The following TCIRG1 variants were observed in gnomAD, a reference collection of about 807,000 sequenced individuals.
TCIRG1 encodes V-type proton ATPase 116 kDa subunit a 3.
Under a neutral mutation model 95.5 loss-of-function variants are expected in TCIRG1, and 86 were observed. That is an observed-to-expected ratio of 0.90 (90% confidence interval 0.76 to 1.08). The LOEUF (loss-of-function observed/expected upper bound fraction) is 1.08, where lower values mean the gene tolerates loss of function less well. TCIRG1 is among the 50% of genes least tolerant of loss of function. The pLI is 0.00. For synonymous variants in TCIRG1, 499 were observed against 501.3 expected (o/e 1.00, Z 0.06); for missense variants, 1,069 against 1,140.2 (o/e 0.94, Z 0.90).
intron 10 of TCIRG1, chr11:68,047,085 A>G (rs909763382): frequency 1.1e-5 from 4 of 374,042 alleles, no homozygotes; most frequent in African/African-American, 2.4e-5. Flanking sequence ...AGCTCGGCTC[A>G]CTGCAACCTC....
In TCIRG1 at chr11:68,044,922, G is replaced by A. The variant is rs767302899; in HGVS notation, c.1021-36G>A. ...GATCCCAGGGTCCCTGAAGGCCCCC[G>A]CCACCGTTCTGGTCTGTCTCTGCCC... On this transcript the variant is annotated intron_variant, in intron 9 of 19. Transcript: ENST00000265686. 6.2e-6 allele frequency: 10 copies of A among 1,603,388 alleles called. No homozygotes were observed. The East Asian group carries it at 8.9e-5, about 14-fold the overall frequency.
intron 9 of TCIRG1, among the ~76,000 whole-genome samples, chr11:68,044,609 C>A (rs981211123): frequency 2.6e-5 from 4 of 152,208 alleles, no homozygotes; most frequent in Non-Finnish European, 5.9e-5. Flanking sequence ...TCCAGGCCCC[C>A]CTGTGACCTT....
Position 68,050,502 on chromosome 11 carries a change from T to C in TCIRG1, c.2252T>C (p.Leu751Pro). 1 of 1,613,484 alleles carries C rather than the reference T, an allele frequency of 6.2e-7. No individual in the cohort carries two copies. The highest frequency in any genetic ancestry group is 8.5e-7 in the Non-Finnish European group (1 of 1,180,006). The change falls in exon 19 of 20, where the codon CTG becomes CCG. Residue 751 changes from leucine to proline, a missense_variant. Transcript: ENST00000265686. ...TTGCTTGCAGAGCTGTCCGAGGTTC[T>C]GTGGGCCATGGTGATGCGCATAGGC... Reference protein sequence around the residue: ...SLAHAQLSEVLWAMVMRIGLG... With the variant: ...SLAHAQLSEVPWAMVMRIGLG...
rs973186413 is a variant in TCIRG1 at position 68,049,216 on chromosome 11, C to T, written c.1809C>T (p.Ala603=). Residue 603 remains alanine, a synonymous_variant, in exon 15 of 20, where the codon GCC becomes GCT. Coordinates refer to ENST00000265686, the MANE Select transcript of TCIRG1 (RefSeq NM_006019.4). ...LCVWAARAAS[A]PSILIHFINM... ...TCTGGGCTGCCAGGGCCGCCTCGGC[C>T]CCCAGCATCCTCATCCACTTCATCA... The T allele has an allele frequency of 1.2e-6, 2 of 1,613,760 alleles. No homozygotes were observed. Among genetic ancestry groups the T allele is most frequent in the Admixed American group, 1.7e-5 (1 of 60,012 alleles).
At position 68,044,240 on chromosome 11, in the gene TCIRG1, C is replaced by T. The variant is rs1392293124; in HGVS notation, c.916C>T (p.Leu306=). 2 of 1,598,288 alleles carry T rather than the reference C, an allele frequency of 1.3e-6. No homozygotes were observed. The highest frequency in any genetic ancestry group is 2.3e-5 in the South Asian group (2 of 88,112). ...VHKMKAVYLA[L]NQCSVSTTHK... is the part of the protein sequence containing the mutation. ...CAAGATGAAGGCCGTGTACCTGGCC[C>T]TGAACCAGTGCAGCGTGAGCACCAC... is the stretch of plus-strand genomic sequence containing the variant. Residue 306 remains leucine, a synonymous_variant, in exon 9 of 20, where the codon CTG becomes TTG. Transcript: ENST00000265686.
chr11:68,049,427 C>A, intron 15 of TCIRG1, 133 bp downstream of exon 15: 1 of 1,063,840 alleles, frequency 9.4e-7, no homozygotes, highest in Non-Finnish European at 1.3e-6. Flanking sequence ...ACAGGGCCGT[C>A]AGAGGTGATG....
chr11:68,049,677 C>A lies in TCIRG1; in HGVS notation c.1902C>A (p.Ala634=), dbSNP rs549108653. 1 of 1,600,998 alleles carries A rather than the reference C, an allele frequency of 6.2e-7. No homozygotes were observed. ...CTCCCTGGCAGGAGGTGGTCCAGGCCACGCTGGTGGTCCTGGCCTTGGCCA... is the reference window on the plus strand; with the variant it reads ...CTCCCTGGCAGGAGGTGGTCCAGGCAACGCTGGTGGTCCTGGCCTTGGCCA... ...LLYPRQEVVQ[A]TLVVLALAMV... is the part of the protein sequence containing the mutation. Residue 634 remains alanine, a synonymous_variant, in exon 16 of 20, where the codon GCC becomes GCA. Transcript: ENST00000265686.
Position 68,041,747 on chromosome 11 carries a change from C to T in TCIRG1, c.118-6C>T, listed in dbSNP as rs375317575. On this transcript the variant is annotated splice_region_variant and splice_polypyrimidine_tract_variant and intron_variant, in intron 2 of 19. Coordinates refer to ENST00000265686, the MANE Select transcript of TCIRG1 (RefSeq NM_006019.4). ...GGACACTCACCCCTCCGTGTGGCAC[C>T]CACAGCTCAACGCCTCGGTGAGCGC... 1.4e-4 allele frequency: 230 copies of T among 1,606,782 alleles called. 1 individual carries two copies. Among genetic ancestry groups the T allele is most frequent in the Non-Finnish European group, 1.9e-4 (219 of 1,177,156 alleles).
chr11:68,046,617 C>T (rs1004798780), intron 10 of TCIRG1, among the ~76,000 whole-genome samples: 3 of 150,556 alleles, frequency 2.0e-5, no homozygotes, highest in Admixed American at 2.0e-4. Context: ...CTGGGGGTTG[C>T]GACTCCAGTG....
chr11:68,044,007 G>A, intron 8 of TCIRG1, 100 bp downstream of exon 8: 1 of 1,308,186 alleles, frequency 7.6e-7, no homozygotes, highest in Non-Finnish European at 1.1e-6. Flanking sequence ...TGGCCTCCAG[G>A]AGGTGGGTGC....
Position 68,050,204 on chromosome 11 carries a change from C to T in TCIRG1, c.2186C>T (p.Ser729Phe). Residue 729 changes from serine (S) to phenylalanine (F), a missense_variant, in exon 18 of 20, where the codon TCC (serine) becomes TTC (phenylalanine). Transcript: ENST00000265686. The stretch of plus-strand genomic sequence containing the variant: ...ATCGAGTTCTGCCTGGGCTGCGTCT[C>T]CAACACCGCCTCCTACCTGCGCCTG... ...HTIEFCLGCVSNTASYLRLWA... is the reference protein window; with the variant it reads ...HTIEFCLGCVFNTASYLRLWA... 1 of 1,613,624 alleles carries T rather than the reference C, an allele frequency of 6.2e-7. No individual in the cohort carries two copies. Among genetic ancestry groups the T allele is most frequent in the Middle Eastern group, 1.6e-4 (1 of 6,062 alleles).
chr11:68,048,810 G>A (rs769685595), intron 13 of TCIRG1, 69 bp from the exon 14 acceptor site: 1 of 1,137,136 alleles, frequency 8.8e-7, no homozygotes, highest in Admixed American at 1.7e-5. Context: ...GAGTGACTCG[G>A]GCCGGGGACT....
At chr11:68,042,529 C>T (rs969181458) in intron 3 of TCIRG1, 114 bp from the exon 4 acceptor site, 4 of 881,204 alleles carry the variant, frequency 4.5e-6, no homozygotes, top group African/African-American at 3.3e-5. Context: ...TTTCTGGCCA[C>T]CTCCACCTGG....
Position 68,043,003 on chromosome 11 carries a change from G to T in TCIRG1, c.475G>T (p.Gly159Trp). The T allele has an allele frequency of 6.4e-7, 1 of 1,552,310 alleles. No homozygotes were observed. Among genetic ancestry groups the T allele is most frequent in the South Asian group, 1.2e-5 (1 of 84,282 alleles). ...GAGGACGCCCCTGCTCCAGGCCCCC[G>T]GGGGGCCGCACCAGGACCTGAGGGT... ...SERTPLLQAP[G>W]GPHQDLRVNF... The change falls in exon 5 of 20, where the codon GGG (glycine) becomes TGG (tryptophan). Residue 159 changes from glycine (G) to tryptophan (W), a missense_variant. Transcript: ENST00000265686.
Position 68,047,673 on chromosome 11 carries a change from C to A in TCIRG1, c.1332C>A (p.Arg444=). 4 of 1,613,576 alleles carry A rather than the reference C, an allele frequency of 2.5e-6. No individual in the cohort carries two copies. Among genetic ancestry groups the A allele is most frequent in the Non-Finnish European group, 3.4e-6 (4 of 1,180,016 alleles). Reference sequence around the variant, plus strand: ...TCTGGCAGACTTTCTTCAGGGGCCGCTACCTGCTCCTGCTTATGGGCCTGT... The same window carrying A: ...TCTGGCAGACTTTCTTCAGGGGCCGATACCTGCTCCTGCTTATGGGCCTGT... The part of the protein sequence containing the change: ...NEIWQTFFRG[R]YLLLLMGLFS... The change falls in exon 12 of 20, where the codon CGC becomes CGA. Residue 444 remains arginine (R), a synonymous_variant. Transcript: ENST00000265686.
chr11:68,052,599 T>C (rs1646095466), downstream of TCIRG1, among the ~76,000 whole-genome samples: 1 of 152,204 alleles, frequency 6.6e-6, no homozygotes, highest in Non-Finnish European at 1.5e-5. Flanking sequence ...GCACCAGCAC[T>C]GCTCCCAGTC....
chr11:68,050,240 GCCTGGCCCACGCCCGTGAGTGA>G lies in TCIRG1; in HGVS notation c.2230_2236+15del. The G allele has an allele frequency of 6.2e-7, 1 of 1,613,096 alleles. No individual in the cohort carries two copies. The highest frequency in any genetic ancestry group is 1.7e-5 in the Admixed American group (1 of 60,028). Reference sequence around the variant, plus strand: ...TCCTACCTGCGCCTGTGGGCCCTGAGCCTGGCCCACGCCCGTGAGTGACCTGGCCACCGACGGCTGGCCCCAG... The same window carrying G: ...TCCTACCTGCGCCTGTGGGCCCTGAGCCTGGCCACCGACGGCTGGCCCCAG... On this transcript the variant is annotated splice_donor_variant and splice_donor_5th_base_variant and coding_sequence_variant and intron_variant, in exon 18 of 20. Transcript: ENST00000265686. LOFTEE classifies it high-confidence loss of function.
In TCIRG1 at chr11:68,041,764, G is replaced by A. The variant is rs757980714; in HGVS notation, c.129G>A (p.Ser43=). ...GLVEFRDLNA[S]VSAFQRRFVV... ...TGTGGCACCCACAGCTCAACGCCTC[G>A]GTGAGCGCCTTCCAGAGACGCTTTG... The change falls in exon 3 of 20, where the codon TCG becomes TCA. Residue 43 remains serine, a synonymous_variant. Coordinates refer to ENST00000265686, the MANE Select transcript of TCIRG1 (RefSeq NM_006019.4). 14 of 1,609,130 alleles carry A rather than the reference G, an allele frequency of 8.7e-6. No individual in the cohort carries two copies. Among genetic ancestry groups the A allele is most frequent in the African/African-American group, 2.7e-5 (2 of 74,840 alleles).
intron 10 of TCIRG1, 41 bp from the exon 11 acceptor site, chr11:68,047,392 G>C (rs776776951): frequency 1.2e-6 from 2 of 1,611,900 alleles, no homozygotes; most frequent in Admixed American, 3.3e-5. Flanking sequence ...GCAGATGCTG[G>C]TGTGTTCGGG....
Sources: allele counts gnomAD v4.1 joint callset (sites outside exome capture counted in the v4.1 genomes callset), GRCh38; gene constraint gnomAD v4.1.1; transcripts MANE v1.5; gene names NCBI Gene and HGNC (gene_info 2026-07-23, HGNC 2026-07-21).